CAP2: variants seen among roughly 807,000 people sequenced by gnomAD.
The protein encoded by CAP2 is adenylyl cyclase-associated protein 2.
A neutral mutation model predicts 57.7 loss-of-function variants in CAP2; 24 were observed. The observed-to-expected ratio is 0.42, with a 90% CI of 0.30 to 0.58. The LOEUF is 0.58. Ranked by LOEUF, CAP2 falls within the 20% of genes least tolerant of loss-of-function variation. The pLI is 0.22. For synonymous variants in CAP2, 194 were observed against 207.2 expected, an observed-to-expected ratio of 0.94 and a Z score of 0.55; for missense variants, 501 against 590.3, an observed-to-expected ratio of 0.85 and a Z score of 1.57.
Position 17,543,166 on chromosome 6 carries a change from T to C in CAP2, c.1209+23T>C, listed in dbSNP as rs549082541. The stretch of plus-strand genomic sequence containing the variant: ...CAGGTAAGCAGAGCCTTTCCAACCA[T>C]GCTGTAATAAGCAGAGCCTTTCCAA... On this transcript the variant is annotated intron_variant, in intron 11 of 12. Transcript: ENST00000229922. 15 of 1,587,400 alleles carry C rather than the reference T, an allele frequency of 9.4e-6. No individual in the cohort carries two copies. The Admixed American group carries it at 1.3e-4, about 14-fold the overall frequency.
intron 1 of CAP2, among the ~76,000 whole-genome samples, chr6:17,408,206 G>T (rs1759037476): frequency 6.6e-6 from 1 of 152,160 alleles, no homozygotes; most frequent in Non-Finnish European, 1.5e-5. Flanking sequence ...TCTGTTTCTG[G>T]TAAAGGCCTC....
chr6:17,482,463 C>T (rs909347489), intron 4 of CAP2, among the ~76,000 whole-genome samples: 10 of 135,264 alleles, frequency 7.4e-5, no homozygotes, highest in African/African-American at 1.4e-4. Context: ...AAGCCGAGAT[C>T]GCGCCACTGC....
intron 4 of CAP2, among the ~76,000 whole-genome samples, chr6:17,480,384 T>G (rs1761258354): frequency 6.6e-6 from 1 of 152,222 alleles, no homozygotes; most frequent in Non-Finnish European, 1.5e-5. Context: ...TTAACAGGTG[T>G]AGTGTATTCC....
At chr6:17,537,971 G>A (rs1241695666) in intron 7 of CAP2, among the ~76,000 whole-genome samples, 1 of 152,140 alleles carries the variant, frequency 6.6e-6, no homozygotes, top group Non-Finnish European at 1.5e-5. Context: ...ACAGGCTGAG[G>A]CAGGAGAATT....
chr6:17,529,548 G>A (rs1410402863), intron 7 of CAP2, among the ~76,000 whole-genome samples: 1 of 151,636 alleles, frequency 6.6e-6, no homozygotes, highest in African/African-American at 2.4e-5. Flanking sequence ...GGCTGAGGCA[G>A]GAGAATGGCG....
chr6:17,492,123 C>A (rs73721594), intron 4 of CAP2, among the ~76,000 whole-genome samples: 2,497 of 152,286 alleles, frequency 0.016, 69 homozygotes, highest in African/African-American at 0.057. Flanking sequence ...CTTTGCAGTA[C>A]CCATGTGCGA....
chr6:17,449,124 ACAAT>A (rs1204749855), intron 3 of CAP2, among the ~76,000 whole-genome samples: 2 of 152,190 alleles, frequency 1.3e-5, no homozygotes, highest in East Asian at 3.9e-4. Context: ...ATTGATTCAA[ACAAT>A]CAAAATTATA....
rs867757304 is a variant in CAP2, at chr6:17,397,275, G to A, written c.-2+3529G>A. Among the ~76,000 whole-genome samples the A allele has an allele frequency of 3.0e-4, 46 of 151,972 alleles. No individual in the cohort carries two copies. In the Middle Eastern group the frequency reaches 9.5e-3, roughly 31 times the overall value. On this transcript the variant is annotated intron_variant, in intron 1 of 12. Coordinates refer to ENST00000229922, the MANE Select transcript of CAP2 (RefSeq NM_006366.3). ...GGGTTTCACCATGTTGCCCAGGCTG[G>A]TCTCAAACTCCTGACCTCAGGTAAT...
At chr6:17,426,721 A>C (rs1324015622) in intron 3 of CAP2, 31 bp downstream of exon 3, 4 of 1,489,990 alleles carry the variant, frequency 2.7e-6, no homozygotes, top group Non-Finnish European at 3.7e-6. Flanking sequence ...TTCTCAGTAG[A>C]GAGTTTAAAC....
intron 6 of CAP2, among the ~76,000 whole-genome samples, chr6:17,512,168 T>C (rs1472647833): frequency 6.6e-6 from 1 of 152,106 alleles, no homozygotes; most frequent in Non-Finnish European, 1.5e-5. Flanking sequence ...GGAGGGAAGA[T>C]ACCTTGAGGC....
At chr6:17,535,120 T>TG in intron 7 of CAP2, among the ~76,000 whole-genome samples, 1 of 152,196 alleles carries the variant, frequency 6.6e-6, no homozygotes, top group Admixed American at 6.5e-5. Flanking sequence ...TAAAAGTCAC[T>TG]GGGGGATGGA....
intron 3 of CAP2, among the ~76,000 whole-genome samples, chr6:17,451,637 G>GGGATTACAGGGAT (rs1760406182): frequency 6.6e-6 from 1 of 151,944 alleles, no homozygotes; most frequent in South Asian, 2.1e-4. Context: ...AGCCTCTCGA[G>GGGATTACAGGGAT]TAGCTGGGAT....
Position 17,557,058 on chromosome 6 carries a change from C to G in CAP2, c.*616C>G, listed in dbSNP as rs373938512. 2.0e-5 allele frequency: 3 copies of G among 152,068 alleles called. No homozygotes were observed. Among genetic ancestry groups the G allele is most frequent in the Non-Finnish European group, 4.4e-5 (3 of 68,010 alleles). The allele number at this position is 152,068 out of a possible 1,614,324, so 9.4% of individuals were successfully genotyped here. A position where few individuals can be genotyped will look rare whatever the true frequency, so the allele number is the denominator to read the frequency against. On this transcript the variant is annotated 3_prime_UTR_variant, in exon 13 of 13. Coordinates refer to ENST00000229922, the MANE Select transcript of CAP2 (RefSeq NM_006366.3). Reference sequence around the variant, plus strand: ...TATATTCTCTGTAGTTACTGAAAACCGAAAGTCAATTCTAATTATTCATCT... The same window carrying G: ...TATATTCTCTGTAGTTACTGAAAACGGAAAGTCAATTCTAATTATTCATCT...
intron 4 of CAP2, among the ~76,000 whole-genome samples, chr6:17,471,910 A>C (rs146157950): frequency 6.6e-6 from 1 of 152,146 alleles, no homozygotes; most frequent in East Asian, 1.9e-4. Flanking sequence ...GGTATTTCCC[A>C]GTGGTCTGGA....
chr6:17,547,667 C>T (rs1034238670), intron 11 of CAP2, among the ~76,000 whole-genome samples: 2 of 151,890 alleles, frequency 1.3e-5, no homozygotes, highest in Admixed American at 6.6e-5. Flanking sequence ...CAGTGAAACC[C>T]TGTCTCTACT....
chr6:17,517,758 AG>A (rs959991973), intron 7 of CAP2, among the ~76,000 whole-genome samples: 1 of 152,046 alleles, frequency 6.6e-6, no homozygotes, highest in African/African-American at 2.4e-5. Context: ...AAAATTAGCC[AG>A]GCATGGTGGC....
rs181887880 is a variant in CAP2 at position 17,513,786 on chromosome 6, A to G, written c.531-63A>G. On this transcript the variant is annotated intron_variant, in intron 6 of 12. Coordinates refer to ENST00000229922, the MANE Select transcript of CAP2 (RefSeq NM_006366.3). The surrounding 1 kb of genome is among the most constrained non-coding windows in gnomAD (Gnocchi z 4.3). ...CACTAGATAACCATGTGCCCCCACA[A>G]TTTTTTTAAAATTTTATTTTAGATC... The G allele has an allele frequency of 1.7e-6, 2 of 1,201,786 alleles. No homozygotes were observed. Among genetic ancestry groups the G allele is most frequent in the Admixed American group, 3.4e-5 (2 of 58,006 alleles). The allele number at this position is 1,201,786 out of a possible 1,614,324, so 74.4% of individuals were successfully genotyped here. A position where few individuals can be genotyped will look rare whatever the true frequency, so the allele number is the denominator to read the frequency against.
intron 3 of CAP2, among the ~76,000 whole-genome samples, chr6:17,431,248 C>T (rs575403998): frequency 4.6e-5 from 7 of 152,016 alleles, no homozygotes; most frequent in East Asian, 1.9e-4. Context: ...CAAACCTCCG[C>T]GACACAAAAT....
At chr6:17,507,365 TAGG>T (rs199553112) in intron 5 of CAP2, 53 bp downstream of exon 5, 23,359 of 1,580,048 alleles carry the variant, frequency 0.015, 208 homozygotes, top group Middle Eastern at 0.039. Flanking sequence ...TTGGAGTATT[TAGG>T]AGAACTAGTA....
Sources: allele counts gnomAD v4.1 joint callset (sites outside exome capture counted in the v4.1 genomes callset), GRCh38; gene constraint gnomAD v4.1.1; non-coding constraint Gnocchi (gnomAD v3.1); transcripts MANE v1.5; gene names NCBI Gene and HGNC (gene_info 2026-07-23, HGNC 2026-07-21).